ELL: variants seen among roughly 807,000 people sequenced by gnomAD.
ELL encodes the protein elongation factor for RNA polymerase II, also known as RNA polymerase II elongation factor ELL.
ELL carries 18 observed loss-of-function variants against 64.0 expected under a neutral mutation model. The observed-to-expected ratio is 0.28, with a 90% CI of 0.19 to 0.42. The LOEUF (loss-of-function observed/expected upper bound fraction) is 0.42. ELL is among the 10% of genes least tolerant of loss of function. ELL has a pLI of 1.00. For synonymous variants in ELL, 399 were observed against 376.2 expected (o/e 1.06, Z -0.70); for missense variants, 797 against 870.4 (o/e 0.92, Z 1.06).
At chr19:18,488,407 G>A (rs1975461031) in intron 1 of ELL, among the ~76,000 whole-genome samples, 2 of 152,214 alleles carry the variant, frequency 1.3e-5, no homozygotes, top group Admixed American at 1.3e-4. Flanking sequence ...AGCTGGATAG[G>A]AGCTGCAGAG....
At chr19:18,493,516 G>A (rs921636521) in intron 1 of ELL, among the ~76,000 whole-genome samples, 2 of 152,270 alleles carry the variant, frequency 1.3e-5, no homozygotes, top group Admixed American at 1.3e-4. Context: ...GTGAGCTGCC[G>A]CACTTGGGAG....
chr19:18,465,261 C>T, intron 4 of ELL, 151 bp downstream of exon 4: 1 of 1,151,208 alleles, frequency 8.7e-7, no homozygotes, highest in Non-Finnish European at 1.2e-6. Context: ...AGACTCTGGT[C>T]CAGGCACGTC....
chr19:18,470,329 T>C (rs1489274579), intron 2 of ELL, among the ~76,000 whole-genome samples: 1 of 151,698 alleles, frequency 6.6e-6, no homozygotes, highest in Non-Finnish European at 1.5e-5. Context: ...GAGATGGGGG[T>C]TGGGGATGAG....
intron 1 of ELL, among the ~76,000 whole-genome samples, chr19:18,509,807 C>G (rs1975978047): frequency 6.6e-6 from 1 of 151,978 alleles, no homozygotes; most frequent in South Asian, 2.1e-4. Flanking sequence ...AGCAGCTGGA[C>G]CCCCCCGCCC....
intron 1 of ELL, among the ~76,000 whole-genome samples, chr19:18,520,723 C>A (rs1485662343): frequency 6.7e-6 from 1 of 149,352 alleles, no homozygotes; most frequent in Non-Finnish European, 1.5e-5. Flanking sequence ...CCCCCCCACC[C>A]CCACCATCAA....
intron 1 of ELL, among the ~76,000 whole-genome samples, chr19:18,509,167 C>A (rs1274391903): frequency 6.6e-6 from 1 of 152,000 alleles, no homozygotes; most frequent in Non-Finnish European, 1.5e-5. Flanking sequence ...CAGGGCCCTT[C>A]CCCACAGCAG....
intron 1 of ELL, among the ~76,000 whole-genome samples, chr19:18,478,356 C>G (rs1975222528): frequency 6.6e-6 from 1 of 152,200 alleles, no homozygotes; most frequent in South Asian, 2.1e-4. Flanking sequence ...AACGGGGTAA[C>G]TCAGTAGCAC....
intron 2 of ELL, 186 bp downstream of exon 2, chr19:18,472,649 A>C (rs1600460792): frequency 3.0e-6 from 2 of 660,732 alleles, no homozygotes; most frequent in Non-Finnish European, 5.1e-6. Flanking sequence ...TGTGACGTGC[A>C]CCCGACACGT....
intron 5 of ELL, 65 bp downstream of exon 5, chr19:18,461,513 T>A (rs1600444147): frequency 6.5e-7 from 1 of 1,540,580 alleles, no homozygotes; most frequent in East Asian, 2.3e-5. Context: ...CTCTGGCCCA[T>A]CCCACCCGCA....
At chr19:18,521,504 C>A (rs1310515992) in intron 1 of ELL, among the ~76,000 whole-genome samples, 3 of 152,208 alleles carry the variant, frequency 2.0e-5, no homozygotes, top group African/African-American at 7.2e-5. Flanking sequence ...CTGCCCCGGC[C>A]CCAGATGGAA....
In ELL at chr19:18,449,108, C is replaced by G. The variant is rs1478625402; in HGVS notation, c.1465+1369G>C. ...TGTGGTAGAGATGACAGCCCCTGGG[C>G]CGGGGATGAACTGCCTAGGGGCCAA... On this transcript the variant is annotated intron_variant, in intron 8 of 11. Coordinates refer to ENST00000262809, the MANE Select transcript of ELL (RefSeq NM_006532.4). This position sits in a 1 kb window ranked among gnomAD's most constrained non-coding sequence, Gnocchi z 4.4. 5.3e-5 allele frequency among the ~76,000 whole-genome samples: 8 copies of G among 152,160 alleles called. No homozygotes were observed. The highest frequency in any genetic ancestry group is 1.2e-4 in the Non-Finnish European group (8 of 68,018).
intron 1 of ELL, among the ~76,000 whole-genome samples, chr19:18,485,626 G>A (rs747950690): frequency 2.0e-5 from 3 of 152,184 alleles, no homozygotes; most frequent in African/African-American, 7.2e-5. Context: ...TGCCCCATGA[G>A]GCCTGGTGGT....
rs1974335061 is a variant in ELL, at chr19:18,443,382, T to G, written c.*1370A>C. 1 of 200,544 alleles carries G rather than the reference T, an allele frequency of 5.0e-6. No homozygotes were observed. Among genetic ancestry groups the G allele is most frequent in the Non-Finnish European group, 9.0e-6 (1 of 110,980 alleles). The allele number at this position is 200,544 out of a possible 1,614,324, so 12.4% of individuals were successfully genotyped here. On this transcript the variant is annotated 3_prime_UTR_variant, in exon 12 of 12. Transcript: ENST00000262809. ...CAGGAGGCACCCCTCCACCCCCCAG[T>G]TTAGAAAAATAGACATCTGTATTTT...
intron 8 of ELL, among the ~76,000 whole-genome samples, chr19:18,447,310 C>T (rs906122442): frequency 1.3e-5 from 2 of 152,240 alleles, no homozygotes; most frequent in African/African-American, 4.8e-5. Flanking sequence ...GACAAGATGG[C>T]CAGCAGGGCC....
intron 8 of ELL, among the ~76,000 whole-genome samples, chr19:18,447,381 C>T (rs921883102): frequency 6.6e-6 from 1 of 152,250 alleles, no homozygotes; most frequent in Non-Finnish European, 1.5e-5. Flanking sequence ...CAGATCATCC[C>T]GTCCTTTCCA....
rs377304910 is a variant in ELL at position 18,451,449 on chromosome 19, T to A, written c.966+103A>T. On this transcript the variant is annotated intron_variant, in intron 7 of 11. Transcript: ENST00000262809. The stretch of plus-strand genomic sequence containing the variant: ...GGGAGGCGGCTCAACTTGGAGCAGC[T>A]CATGCTCCAAAGAGCTGGTGAGGAA... 1.2e-3 allele frequency: 1,267 copies of A among 1,073,010 alleles called. 22 individuals carry two copies. The South Asian group carries it at 0.023, about 19-fold the overall frequency. The allele number at this position is 1,073,010 out of a possible 1,614,324, so 66.5% of individuals were successfully genotyped here.
In ELL at chr19:18,444,493, C is replaced by T; in HGVS notation, c.*259G>A. 2.2e-6 allele frequency: 1 copy of T among 450,324 alleles called. No homozygotes were observed. Among genetic ancestry groups the T allele is most frequent in the South Asian group, 3.6e-5 (1 of 27,868 alleles). 27.9% of individuals were successfully genotyped at this position (450,324 alleles called of 1,614,324 possible). A position where few individuals can be genotyped will look rare whatever the true frequency, so the allele number is the denominator to read the frequency against. On this transcript the variant is annotated 3_prime_UTR_variant, in exon 12 of 12. Transcript: ENST00000262809. Reference sequence around the variant, plus strand: ...CTTCTGGCGAGACAGGAGGCTGAACCCCGGAGGCTGCAGCCAGGGAGGAGG... The same window carrying T: ...CTTCTGGCGAGACAGGAGGCTGAACTCCGGAGGCTGCAGCCAGGGAGGAGG...
intron 7 of ELL, 77 bp downstream of exon 7, chr19:18,451,475 G>A (rs1314321529): frequency 6.5e-6 from 8 of 1,239,686 alleles, no homozygotes; most frequent in South Asian, 1.7e-5. Context: ...TGGTGAGGAA[G>A]GTGACAAGGG....
At chr19:18,521,800 G>C in intron 1 of ELL, 121 bp downstream of exon 1, 1 of 1,370,656 alleles carries the variant, frequency 7.3e-7, no homozygotes, top group Non-Finnish European at 9.5e-7. Flanking sequence ...GCCGGCCCAG[G>C]GACCCGCGAG....
Sources: allele counts gnomAD v4.1 joint callset (sites outside exome capture counted in the v4.1 genomes callset), GRCh38; gene constraint gnomAD v4.1.1; non-coding constraint Gnocchi (gnomAD v3.1); transcripts MANE v1.5; gene names NCBI Gene and HGNC (gene_info 2026-07-23, HGNC 2026-07-21).